PTPRN2: variants seen among roughly 807,000 people sequenced by gnomAD.
PTPRN2 encodes protein tyrosine phosphatase receptor type N2.
PTPRN2 carries 74 observed loss-of-function variants against 118.8 expected under a neutral mutation model. That is an observed-to-expected ratio of 0.62 (90% CI 0.52 to 0.76). PTPRN2 has a LOEUF of 0.76. Among genes scored for constraint, PTPRN2 ranks in the 30% least tolerant of loss-of-function variants. The pLI is 0.00. For missense variants in PTPRN2, 1,481 were observed against 1,394.4 expected, an observed-to-expected ratio of 1.06 and a Z score of -0.99; for synonymous variants, 641 against 608.0, an observed-to-expected ratio of 1.05 and a Z score of -0.80.
chr7:158,483,180 C>T (rs181821399), intron 2 of PTPRN2, among the ~76,000 whole-genome samples: 12 of 152,286 alleles, frequency 7.9e-5, no homozygotes, highest in Admixed American at 6.5e-4. Flanking sequence ...CATAGAAAAC[C>T]GGTATTAAAT....
intron 11 of PTPRN2, among the ~76,000 whole-genome samples, chr7:158,072,091 G>T (rs1268897536): frequency 8.7e-4 from 115 of 131,938 alleles, no homozygotes; most frequent in Non-Finnish European, 1.1e-3. Context: ...TGGTGGAGGT[G>T]CTCGTAGTAT....
chr7:157,932,470 G>A (rs1049516725), intron 11 of PTPRN2, among the ~76,000 whole-genome samples: 1 of 152,018 alleles, frequency 6.6e-6, no homozygotes, highest in African/African-American at 2.4e-5. Context: ...TCAGATTAGA[G>A]GTGACTTACT....
At chr7:158,527,369 G>C (rs546542076) in intron 1 of PTPRN2, among the ~76,000 whole-genome samples, 1 of 152,176 alleles carries the variant, frequency 6.6e-6, no homozygotes, top group Non-Finnish European at 1.5e-5. Flanking sequence ...GCCAGCCTGC[G>C]TCTCCGTGTC....
rs1452401547 is a variant in PTPRN2 at position 157,787,495 on chromosome 7, C to T, written c.1789-104558G>A. On this transcript the variant is annotated intron_variant, in intron 12 of 22. Coordinates refer to ENST00000389418, the MANE Select transcript of PTPRN2 (RefSeq NM_002847.5). The surrounding 1 kb of genome is among the most constrained non-coding windows in gnomAD (Gnocchi z 5.3). ...CCCAGTGGGCAGGGCGGGCAGGGGG[C>T]TTCCCCACAGTCTAGGGGGCCAGGA... 1.3e-5 allele frequency among the ~76,000 whole-genome samples: 2 copies of T among 152,136 alleles called. No individual in the cohort carries two copies. Among genetic ancestry groups the T allele is most frequent in the Non-Finnish European group, 2.9e-5 (2 of 67,994 alleles).
chr7:157,976,226 C>T (rs1244991086), intron 11 of PTPRN2, among the ~76,000 whole-genome samples: 1 of 152,238 alleles, frequency 6.6e-6, no homozygotes, highest in Admixed American at 6.5e-5. Flanking sequence ...AAGCTCTGAT[C>T]TTTCTTCTCT....
intron 6 of PTPRN2, among the ~76,000 whole-genome samples, chr7:158,139,351 G>A (rs547472138): frequency 3.3e-5 from 5 of 152,202 alleles, no homozygotes; most frequent in South Asian, 4.2e-4. Context: ...TGTCCATTAC[G>A]GGTGGACATA....
chr7:158,010,844 G>A lies in PTPRN2; in HGVS notation c.1723+70454C>T, dbSNP rs374871877. On this transcript the variant is annotated intron_variant, in intron 11 of 22. Coordinates refer to ENST00000389418, the MANE Select transcript of PTPRN2 (RefSeq NM_002847.5). ...CCTTTAAATTTCAGTGAGGCCTTGGGCCCCCCATGGAGCACCTCAGATGCT... is the reference window on the plus strand; with the variant it reads ...CCTTTAAATTTCAGTGAGGCCTTGGACCCCCCATGGAGCACCTCAGATGCT... Among the ~76,000 whole-genome samples the A allele has an allele frequency of 5.3e-5, 8 of 152,226 alleles. No individual in the cohort carries two copies. In the South Asian group the frequency reaches 1.2e-3, roughly 24 times the overall value.
chr7:158,511,205 C>T (rs1245816957), intron 1 of PTPRN2, among the ~76,000 whole-genome samples: 1 of 152,172 alleles, frequency 6.6e-6, no homozygotes, highest in African/African-American at 2.4e-5. Flanking sequence ...CCTTTCCCTC[C>T]TCACCTCAAA....
At chr7:158,039,785 G>A (rs1808326108) in intron 11 of PTPRN2, among the ~76,000 whole-genome samples, 1 of 152,166 alleles carries the variant, frequency 6.6e-6, no homozygotes, top group Non-Finnish European at 1.5e-5. Context: ...ATCAGACTCA[G>A]ATATAGCAGA....
Position 157,763,021 on chromosome 7 carries a change from C to T in PTPRN2, c.1789-80084G>A, listed in dbSNP as rs140311740. Among the ~76,000 whole-genome samples, 243 of 152,106 alleles carry T rather than the reference C, an allele frequency of 1.6e-3. No individual in the cohort carries two copies. Among genetic ancestry groups the T allele is most frequent in the African/African-American group, 5.4e-3 (225 of 41,496 alleles). ...CTAACCCTCCATCAGAGCCCACAGC[C>T]GCCCACTCACAGTCGGTCACAGGGC... On this transcript the variant is annotated intron_variant, in intron 12 of 22. Transcript: ENST00000389418. The surrounding 1 kb of genome is among the most constrained non-coding windows in gnomAD (Gnocchi z 4.9).
chr7:157,787,151 G>A lies in PTPRN2; in HGVS notation c.1789-104214C>T, dbSNP rs1237035922. Among the ~76,000 whole-genome samples the A allele has an allele frequency of 1.5e-3, 221 of 145,604 alleles. No homozygotes were observed. Among genetic ancestry groups the A allele is most frequent in the African/African-American group, 5.5e-3 (212 of 38,808 alleles). On this transcript the variant is annotated intron_variant, in intron 12 of 22. Coordinates refer to ENST00000389418, the MANE Select transcript of PTPRN2 (RefSeq NM_002847.5). The surrounding 1 kb of genome is among the most constrained non-coding windows in gnomAD (Gnocchi z 5.3). The stretch of plus-strand genomic sequence containing the variant: ...ACGCGGGGGTGGCTGCCCGGGAGGC[G>A]GACGCGGGTGCGGCGGGGGACGCGG...
chr7:158,027,040 C>T (rs1807326039), intron 11 of PTPRN2, among the ~76,000 whole-genome samples: 1 of 152,228 alleles, frequency 6.6e-6, no homozygotes. Context: ...ACCTGCTCCT[C>T]CCATACCGAA....
chr7:158,341,854 T>G lies in PTPRN2; in HGVS notation c.164-24922A>C, dbSNP rs1806892459. On this transcript the variant is annotated intron_variant, in intron 2 of 22. Coordinates refer to ENST00000389418, the MANE Select transcript of PTPRN2 (RefSeq NM_002847.5). The stretch of plus-strand genomic sequence containing the variant: ...GTCACTCACACCCACACTCTCACCA[T>G]AAGAGTGTGCCCCGCAGGCGTCACT... Among the ~76,000 whole-genome samples, 2 of 6,620 alleles carry G rather than the reference T, an allele frequency of 3.0e-4. 1 individual carries two copies. The highest frequency in any genetic ancestry group is 6.7e-4 in the Non-Finnish European group (2 of 3,000). The allele number at this position is 6,620 out of a possible 152,430, so 4.3% of individuals were successfully genotyped here.
At chr7:157,707,588 C>CTT (rs57483757) in intron 12 of PTPRN2, among the ~76,000 whole-genome samples, 7 of 149,934 alleles carry the variant, frequency 4.7e-5, no homozygotes, top group Non-Finnish European at 7.4e-5. Context: ...CTTTTTTTTT[C>CTT]TTTTTTTTTG....
intron 6 of PTPRN2, among the ~76,000 whole-genome samples, chr7:158,151,070 CACTCTTGCCCCTGCCT>C (rs1821002153): frequency 1.0e-5 from 1 of 95,702 alleles, no homozygotes; most frequent in East Asian, 3.5e-4. Context: ...CCCGCCTTTC[CACTCTTGCCCCTGCCT>C]GCCCAAACCG....
chr7:158,580,916 T>G (rs1268771818), intron 1 of PTPRN2, among the ~76,000 whole-genome samples: 1 of 152,130 alleles, frequency 6.6e-6, no homozygotes, highest in Non-Finnish European at 1.5e-5. Context: ...AACATCAAAA[T>G]TCCCTCAGAA....
chr7:158,150,114 G>T (rs1820814563), intron 6 of PTPRN2, among the ~76,000 whole-genome samples: 1 of 152,190 alleles, frequency 6.6e-6, no homozygotes, highest in African/African-American at 2.4e-5. Context: ...TGGGTGTTCT[G>T]CTGAGCTCTG....
chr7:158,543,463 CT>C (rs1483465667), intron 1 of PTPRN2, among the ~76,000 whole-genome samples: 1 of 152,184 alleles, frequency 6.6e-6, no homozygotes, highest in African/African-American at 2.4e-5. Flanking sequence ...CAGTTTTGCA[CT>C]TTGTTTTCCT....
At chr7:157,973,524 G>C (rs867838591) in intron 11 of PTPRN2, among the ~76,000 whole-genome samples, 21 of 152,270 alleles carry the variant, frequency 1.4e-4, no homozygotes, top group South Asian at 2.1e-4. Context: ...AGAGGTCTTA[G>C]AGAAAGATGT....
Sources: allele counts gnomAD v4.1 joint callset (sites outside exome capture counted in the v4.1 genomes callset), GRCh38; gene constraint gnomAD v4.1.1; non-coding constraint Gnocchi (gnomAD v3.1); transcripts MANE v1.5; gene names NCBI Gene and HGNC (gene_info 2026-07-23, HGNC 2026-07-21).